Variants in ZFP37 observed in about 807,000 individuals in gnomAD.
The protein encoded by ZFP37 is ZFP37 zinc finger protein, also known as zinc finger protein 37 homolog.
ZFP37 carries 38 observed loss-of-function variants against 52.1 expected under a neutral mutation model. The observed-to-expected ratio is 0.73, with a 90% CI of 0.56 to 0.96. The LOEUF (loss-of-function observed/expected upper bound fraction) is 0.96, where lower values mean the gene tolerates loss of function less well. Among genes scored for constraint, ZFP37 ranks in the 40% least tolerant of loss-of-function variants. ZFP37 has a pLI of 0.00. For synonymous variants in ZFP37, 253 were observed against 259.5 expected (o/e 0.98, Z 0.24); for missense variants, 695 against 741.4 (o/e 0.94, Z 0.73).
intron 1 of ZFP37, 149 bp from the exon 2 acceptor site, chr9:113,050,021 G>T: frequency 7.8e-7 from 1 of 1,274,934 alleles, no homozygotes. Flanking sequence ...TGTTGATCAT[G>T]ATATTATAAA....
Position 113,041,388 on chromosome 9 carries a change from C to G in ZFP37, c.*1337G>C, listed in dbSNP as rs143050203. On this transcript the variant is annotated 3_prime_UTR_variant, in exon 4 of 4. Transcript: ENST00000374227. ...ACTCTGGGTTCACTCAGAAAGAGTA[C>G]AGTGATCCAGTAAATAATGCCCAAT... is the stretch of plus-strand genomic sequence containing the variant. The G allele has an allele frequency of 6.6e-6, 1 of 152,284 alleles. No homozygotes were observed. The highest frequency in any genetic ancestry group is 2.4e-5 in the African/African-American group (1 of 41,542). 9.4% of individuals were successfully genotyped at this position (152,284 alleles called of 1,614,324 possible).
At position 113,052,669 on chromosome 9, in the gene ZFP37, G is replaced by A. The variant is rs1235106218; in HGVS notation, c.133-2797C>T. ...CTCATTAGAGACCAGTACTGCCTAG[G>A]GGTTTCACTGGGGGCTGGTCAAGTA... On this transcript the variant is annotated intron_variant, in intron 1 of 3. Transcript: ENST00000374227. This position sits in a 1 kb window ranked among gnomAD's most constrained non-coding sequence, Gnocchi z 4.1. Among the ~76,000 whole-genome samples the A allele has an allele frequency of 6.6e-6, 1 of 152,110 alleles. No individual in the cohort carries two copies. The highest frequency in any genetic ancestry group is 1.5e-5 in the Non-Finnish European group (1 of 68,004).
chr9:113,056,461 T>C lies in ZFP37; in HGVS notation c.132+96A>G, dbSNP rs184051628. On this transcript the variant is annotated intron_variant, in intron 1 of 3. Coordinates refer to ENST00000374227, the MANE Select transcript of ZFP37 (RefSeq NM_003408.3). ...ACCATCTAGCATCGATTCCACCAATTCCCAAATCACCTATCGTCACAGACT... is the reference window on the plus strand; with the variant it reads ...ACCATCTAGCATCGATTCCACCAATCCCCAAATCACCTATCGTCACAGACT... The C allele has an allele frequency of 9.4e-5, 145 of 1,544,306 alleles. 1 individual carries two copies. In the East Asian group the frequency reaches 3.0e-3, roughly 32 times the overall value.
rs1192303366 is a variant in ZFP37 at position 113,040,781 on chromosome 9, T to A, written c.*1944A>T. On this transcript the variant is annotated 3_prime_UTR_variant, in exon 4 of 4. Transcript: ENST00000374227. ...AATAAATGAAATAATGTAGGGATTG[T>A]GCTTTAAAAAATATAAAAGATAACA... 1 of 152,178 alleles carries A rather than the reference T, an allele frequency of 6.6e-6. No homozygotes were observed. The highest frequency in any genetic ancestry group is 1.9e-4 in the East Asian group (1 of 5,198). The allele number at this position is 152,178 out of a possible 1,614,324, so 9.4% of individuals were successfully genotyped here. A position where few individuals can be genotyped will look rare whatever the true frequency, so the allele number is the denominator to read the frequency against.
Position 113,042,513 on chromosome 9 carries a change from T to G in ZFP37, c.*212A>C, listed in dbSNP as rs539715833. 111 of 414,662 alleles carry G rather than the reference T, an allele frequency of 2.7e-4. No homozygotes were observed. Among genetic ancestry groups the G allele is most frequent in the African/African-American group, 2.0e-3 (97 of 48,464 alleles). 25.7% of individuals were successfully genotyped at this position (414,662 alleles called of 1,614,324 possible). ...ATGTAGATCATTTATAATAATTGAG[T>G]AGTTAAAACAATATTTTTTATAAAA... On this transcript the variant is annotated 3_prime_UTR_variant, in exon 4 of 4. Coordinates refer to ENST00000374227, the MANE Select transcript of ZFP37 (RefSeq NM_003408.3).
chr9:113,049,991 T>C, intron 1 of ZFP37, 119 bp from the exon 2 acceptor site: 1 of 1,498,342 alleles, frequency 6.7e-7, no homozygotes, highest in Non-Finnish European at 9.0e-7. Context: ...TAATAATTTG[T>C]TCTTACCTTG....
In ZFP37 at chr9:113,046,933, C is replaced by A. The variant is rs751201083; in HGVS notation, c.349+2429G>T. ...ACCATCCTAGCTAACACGGTGAAAC[C>A]CCGTCTCTACCAAAAACACAAAAAA... On this transcript the variant is annotated intron_variant, in intron 3 of 3. Transcript: ENST00000374227. Among the ~76,000 whole-genome samples the A allele has an allele frequency of 4.4e-4, 67 of 152,044 alleles. 1 individual carries two copies. Among genetic ancestry groups the A allele is most frequent in the Admixed American group, 7.9e-4 (12 of 15,264 alleles).
chr9:113,056,581 C>T lies in ZFP37; in HGVS notation c.108G>A (p.Val36=). The T allele has an allele frequency of 6.2e-7, 1 of 1,613,924 alleles. No homozygotes were observed. The highest frequency in any genetic ancestry group is 8.5e-7 in the Non-Finnish European group (1 of 1,180,022). The change falls in exon 1 of 4, where the codon GTG becomes GTA. Residue 36 remains valine (V), a synonymous_variant. Transcript: ENST00000374227. ...CCGCGGCGCTGGCCTCGGGCTCGGA[C>T]ACAGCCATCTCCAGTGGTCGCCCGG... ...KEAGRPLEMA[V]SEPEASAAEW... is the part of the protein sequence containing the mutation.
intron 3 of ZFP37, among the ~76,000 whole-genome samples, chr9:113,046,335 T>G (rs957509067): frequency 6.6e-6 from 1 of 151,618 alleles, no homozygotes; most frequent in Non-Finnish European, 1.5e-5. Context: ...GCTTTTTCAT[T>G]TAGGAAATTT....
intron 2 of ZFP37, 41 bp from the exon 3 acceptor site, chr9:113,049,537 C>T (rs997866664): frequency 6.3e-7 from 1 of 1,591,890 alleles, no homozygotes; most frequent in Non-Finnish European, 8.6e-7. Context: ...TTAGAACAAC[C>T]ATCCCAGAAA....
rs1386055831 is a variant in ZFP37 at position 113,043,677 on chromosome 9, ACT to A, written c.939_940del (p.Arg313SerfsTer9). On this transcript the variant is annotated frameshift_variant, in exon 4 of 4. Coordinates refer to ENST00000374227, the MANE Select transcript of ZFP37 (RefSeq NM_003408.3). LOFTEE classifies it high-confidence loss of function. ...TTCATATGGTTTCTCCCCAGTATGA[ACT>A]CTCTGATGGTCAATGAGTCCTTGTT... is the stretch of plus-strand genomic sequence containing the variant. 1 of 1,613,604 alleles carries A rather than the reference ACT, an allele frequency of 6.2e-7. No individual in the cohort carries two copies. Among genetic ancestry groups the A allele is most frequent in the African/African-American group, 1.3e-5 (1 of 74,806 alleles).
At position 113,043,977 on chromosome 9, in the gene ZFP37, T is replaced by C. The variant is rs1174063874; in HGVS notation, c.641A>G (p.His214Arg). The change falls in exon 4 of 4, where the codon CAT becomes CGT. Residue 214 changes from histidine to arginine, a missense_variant. Physicochemically the swap from His to Arg is conservative, Grantham distance 29. Transcript: ENST00000374227. ...GCCTTTCCTTGTATCAGATAAGCTA[T>C]GGTTGAATGACTTCTTGTGTTCTTT... ...AAKEHKKSFN[H>R]SLSDTRKGKK... The C allele has an allele frequency of 2.5e-6, 4 of 1,614,010 alleles. No homozygotes were observed. The highest frequency in any genetic ancestry group is 3.4e-6 in the Non-Finnish European group (4 of 1,179,972).
intron 3 of ZFP37, among the ~76,000 whole-genome samples, chr9:113,045,662 C>G (rs12378165): frequency 0.58 from 87,681 of 152,060 alleles, 25,431 homozygotes; most frequent in African/African-American, 0.66. Flanking sequence ...ATTACATAAT[C>G]CAAATTCTGG....
At position 113,040,246 on chromosome 9, in the gene ZFP37, A is replaced by G. The variant is rs1828824673; in HGVS notation, c.*2479T>C. On this transcript the variant is annotated 3_prime_UTR_variant, in exon 4 of 4. Transcript: ENST00000374227. ...AATTCTCACTGTCTCAGATGTGGCA[A>G]TACTATGGGTTCCCCAAGACATGTG... The G allele has an allele frequency of 2.0e-5, 3 of 152,224 alleles. No individual in the cohort carries two copies. The highest frequency in any genetic ancestry group is 1.3e-4 in the Admixed American group (2 of 15,282). 9.4% of individuals were successfully genotyped at this position (152,224 alleles called of 1,614,324 possible).
At position 113,052,664 on chromosome 9, in the gene ZFP37, C is replaced by T. The variant is rs1829076956; in HGVS notation, c.133-2792G>A. ...GGAAGCTCATTAGAGACCAGTACTGCCTAGGGGTTTCACTGGGGGCTGGTC... is the reference window on the plus strand; with the variant it reads ...GGAAGCTCATTAGAGACCAGTACTGTCTAGGGGTTTCACTGGGGGCTGGTC... On this transcript the variant is annotated intron_variant, in intron 1 of 3. Coordinates refer to ENST00000374227, the MANE Select transcript of ZFP37 (RefSeq NM_003408.3). The surrounding 1 kb of genome is among the most constrained non-coding windows in gnomAD (Gnocchi z 4.1). Among the ~76,000 whole-genome samples, 1 of 152,078 alleles carries T rather than the reference C, an allele frequency of 6.6e-6. No individual in the cohort carries two copies. Among genetic ancestry groups the T allele is most frequent in the African/African-American group, 2.4e-5 (1 of 41,406 alleles).
chr9:113,045,862 G>A (rs1828940564), intron 3 of ZFP37, among the ~76,000 whole-genome samples: 1 of 152,084 alleles, frequency 6.6e-6, no homozygotes, highest in African/African-American at 2.4e-5. Flanking sequence ...GCTATAGCAT[G>A]GAATAGCAGA....
Position 113,040,090 on chromosome 9 carries a change from C to G in ZFP37, c.*2635G>C, listed in dbSNP as rs1039108617. ...TCGATTCAGACTTACCACTGTGTGTCTGTTTTCCTATACTAACCTCCAATT... is the reference window on the plus strand; with the variant it reads ...TCGATTCAGACTTACCACTGTGTGTGTGTTTTCCTATACTAACCTCCAATT... On this transcript the variant is annotated 3_prime_UTR_variant, in exon 4 of 4. Transcript: ENST00000374227. 5.9e-5 allele frequency: 9 copies of G among 152,226 alleles called. No individual in the cohort carries two copies. The highest frequency in any genetic ancestry group is 3.8e-4 in the East Asian group (2 of 5,208). The allele number at this position is 152,226 out of a possible 1,614,324, so 9.4% of individuals were successfully genotyped here. A position where few individuals can be genotyped will look rare whatever the true frequency, so the allele number is the denominator to read the frequency against.
intron 3 of ZFP37, 85 bp from the exon 4 acceptor site, chr9:113,044,353 T>C: frequency 7.8e-7 from 1 of 1,285,586 alleles, no homozygotes; most frequent in Non-Finnish European, 1.0e-6. Flanking sequence ...TGACCTGTTG[T>C]AGGGTTAAAT....
At position 113,042,685 on chromosome 9, in the gene ZFP37, C is replaced by G; in HGVS notation, c.*40G>C. On this transcript the variant is annotated 3_prime_UTR_variant, in exon 4 of 4. Coordinates refer to ENST00000374227, the MANE Select transcript of ZFP37 (RefSeq NM_003408.3). ...AAATCAGCATATTTCCAAGGTTCAA[C>G]AAAACCTTAAATTTAGTTAACAAAT... is the stretch of plus-strand genomic sequence containing the variant. 6.7e-7 allele frequency: 1 copy of G among 1,495,484 alleles called. No homozygotes were observed. The allele number at this position is 1,495,484 out of a possible 1,614,324, so 92.6% of individuals were successfully genotyped here. A position where few individuals can be genotyped will look rare whatever the true frequency, so the allele number is the denominator to read the frequency against.
Sources: gnomAD v4.1 joint callset for allele counts (sites outside exome capture counted in the v4.1 genomes callset) on GRCh38, gnomAD v4.1.1 for gene constraint, Gnocchi (gnomAD v3.1) non-coding constraint, MANE v1.5 for transcripts, NCBI Gene and HGNC (gene_info 2026-07-23, HGNC 2026-07-21) for gene names.